MTRF1: variants seen among roughly 807,000 people sequenced by gnomAD.
MTRF1 encodes mitochondrial translation release factor 1.
In MTRF1, 51 loss-of-function variants were observed where a neutral mutation model predicts 62.9. The observed-to-expected ratio is 0.81, with a 90% CI of 0.65 to 1.02. The LOEUF is 1.02. MTRF1 is among the 50% of genes least tolerant of loss of function. The probability of loss-of-function intolerance (pLI) is 0.00; values close to 1 mark genes in which losing one functional copy is unlikely to be tolerated. For missense variants in MTRF1, 446 were observed against 530.0 expected, an observed-to-expected ratio of 0.84 and a Z score of 1.56; for synonymous variants, 158 against 181.9, an observed-to-expected ratio of 0.87 and a Z score of 1.06.
chr13:41,259,712 A>AAAAAAAAAAACAAAAAAAAAC (rs1555268029), intron 2 of MTRF1, among the ~76,000 whole-genome samples: 2 of 136,714 alleles, frequency 1.5e-5, no homozygotes, highest in African/African-American at 5.5e-5. Context: ...AAAAAAAAAA[A>AAAAAAAAAAACAAAAAAAAAC]AAAAAAAAAC....
chr13:41,243,719 C>T (rs1258046233), intron 5 of MTRF1, among the ~76,000 whole-genome samples: 2 of 152,170 alleles, frequency 1.3e-5, no homozygotes, highest in African/African-American at 4.8e-5. Context: ...AACCTCTTTT[C>T]TACCACACTT....
intron 2 of MTRF1, among the ~76,000 whole-genome samples, chr13:41,257,360 C>CA (rs1373157919): frequency 6.6e-6 from 1 of 152,026 alleles, no homozygotes; most frequent in Non-Finnish European, 1.5e-5. Context: ...TCAGCTAAGT[C>CA]AGAGATGTAA....
intron 5 of MTRF1, among the ~76,000 whole-genome samples, chr13:41,243,155 G>A (rs953362790): frequency 2.0e-5 from 3 of 152,046 alleles, no homozygotes; most frequent in Admixed American, 1.3e-4. Context: ...AGAGGCGGAG[G>A]TCGCAGTGAG....
the MTRF1 span, among the ~76,000 whole-genome samples, chr13:41,280,369 C>T: frequency 1.3e-5 from 2 of 152,204 alleles, no homozygotes; most frequent in Non-Finnish European, 2.9e-5. Context: ...GTTGTCCTGC[C>T]TTTCTGAACC....
the MTRF1 span, among the ~76,000 whole-genome samples, chr13:41,291,894 A>G: frequency 6.6e-6 from 1 of 152,160 alleles, no homozygotes; most frequent in Non-Finnish European, 1.5e-5. Flanking sequence ...TGCCCCCATT[A>G]AAATGGAACA....
chr13:41,220,424 G>C (rs570613311), intron 9 of MTRF1: 8 of 418,616 alleles, frequency 1.9e-5, no homozygotes, highest in African/African-American at 1.6e-4. Context: ...CAGGAGATAA[G>C]GCTGATGTCA....
At chr13:41,259,865 G>C (rs41305034) in intron 2 of MTRF1, among the ~76,000 whole-genome samples, 7 of 152,082 alleles carry the variant, frequency 4.6e-5, no homozygotes, top group Non-Finnish European at 7.4e-5. Flanking sequence ...TAGTAGAGCA[G>C]GTCTCACATT....
the MTRF1 span, chr13:41,311,399 G>T: frequency 1.2e-6 from 1 of 851,982 alleles, no homozygotes. Flanking sequence ...TGCAACTGTA[G>T]ACCAATGAAC....
chr13:41,263,403 T>C, intron 1 of MTRF1, 82 bp downstream of exon 1: 1 of 710,084 alleles, frequency 1.4e-6, no homozygotes. Flanking sequence ...CAAACCATGC[T>C]GTGTAACTCA....
At chr13:41,298,622 C>T in the MTRF1 span, among the ~76,000 whole-genome samples, 2 of 152,202 alleles carry the variant, frequency 1.3e-5, no homozygotes, top group African/African-American at 2.4e-5. Context: ...CACTAATATG[C>T]GAATCACTTG....
chr13:41,221,349 T>C (rs2033320045), intron 9 of MTRF1, among the ~76,000 whole-genome samples: 1 of 151,838 alleles, frequency 6.6e-6, no homozygotes, highest in Non-Finnish European at 1.5e-5. Flanking sequence ...TTAGTAGAGA[T>C]GGGGTTTCAC....
At chr13:41,258,237 A>G (rs773717984) in intron 2 of MTRF1, among the ~76,000 whole-genome samples, 8 of 152,256 alleles carry the variant, frequency 5.3e-5, no homozygotes, top group Non-Finnish European at 8.8e-5. Flanking sequence ...CTTTACAGGT[A>G]TAACAGTGAC....
At chr13:41,307,695 G>A in the MTRF1 span, among the ~76,000 whole-genome samples, 3 of 151,810 alleles carry the variant, frequency 2.0e-5, no homozygotes, top group Non-Finnish European at 4.4e-5. Context: ...CCTGCTTCCC[G>A]TTTGCCTTCC....
chr13:41,265,935 T>C (rs528755841), upstream of MTRF1, among the ~76,000 whole-genome samples: 51 of 152,268 alleles, frequency 3.3e-4, no homozygotes, highest in African/African-American at 8.9e-4. Context: ...CTGCAACTTC[T>C]GTCTCCCGGA....
intron 7 of MTRF1, among the ~76,000 whole-genome samples, chr13:41,226,859 C>T (rs973181182): frequency 2.0e-5 from 3 of 152,282 alleles, no homozygotes; most frequent in Non-Finnish European, 2.9e-5. Flanking sequence ...CTAGCTCATC[C>T]GGGCATTTCT....
upstream of MTRF1, among the ~76,000 whole-genome samples, chr13:41,268,488 G>A (rs182544248): frequency 1.9e-3 from 285 of 152,082 alleles, 2 homozygotes; most frequent in African/African-American, 6.5e-3. Context: ...GAAGATTGCA[G>A]CAAGCTGAGA....
intron 9 of MTRF1, among the ~76,000 whole-genome samples, chr13:41,219,789 G>A (rs542472002): frequency 4.0e-5 from 6 of 151,492 alleles, no homozygotes; most frequent in Admixed American, 1.3e-4. Flanking sequence ...ACTTGAGGTC[G>A]GGAATTCAAG....
chr13:41,282,834 C>T, the MTRF1 span, among the ~76,000 whole-genome samples: 2 of 152,238 alleles, frequency 1.3e-5, no homozygotes, highest in African/African-American at 4.8e-5. Flanking sequence ...TTTGATAGGG[C>T]TATGCCCCAT....
the MTRF1 span, among the ~76,000 whole-genome samples, chr13:41,286,088 C>CAAAAAAAAA: frequency 8.2e-5 from 9 of 109,904 alleles, no homozygotes; most frequent in Admixed American, 2.0e-4. Context: ...ACAACAACAA[C>CAAAAAAAAA]AAAAAAAAAA....
Sources: allele counts gnomAD v4.1 joint callset (sites outside exome capture counted in the v4.1 genomes callset), GRCh38; gene constraint gnomAD v4.1.1; transcripts MANE v1.5; gene names NCBI Gene and HGNC (gene_info 2026-07-23, HGNC 2026-07-21).